The following DOCK9 variants were observed in gnomAD, a reference collection of about 807,000 sequenced individuals.
DOCK9 encodes dedicator of cytokinesis protein 9.
In DOCK9, 89 loss-of-function variants were observed where a neutral mutation model predicts 263.3. That is an observed-to-expected ratio of 0.34 (90% CI 0.28 to 0.40). DOCK9 has a LOEUF of 0.40. Ranked by LOEUF, DOCK9 falls within the 10% of genes least tolerant of loss-of-function variation. The probability of loss-of-function intolerance (pLI) is 1.00; values close to 1 mark genes in which losing one functional copy is unlikely to be tolerated. For synonymous variants in DOCK9, 976 were observed against 973.1 expected (o/e 1.00, Z -0.06); for missense variants, 2,140 against 2,603.4 (o/e 0.82, Z 3.87).
At chr13:98,919,031 A>G (rs1273578364) in intron 7 of DOCK9, among the ~76,000 whole-genome samples, 1 of 152,194 alleles carries the variant, frequency 6.6e-6, no homozygotes, top group East Asian at 1.9e-4. Context: ...ATCTAGCACC[A>G]CTACTATTTC....
chr13:99,050,407 T>G (rs542911279), intron 1 of DOCK9, among the ~76,000 whole-genome samples: 99 of 152,178 alleles, frequency 6.5e-4, no homozygotes, highest in African/African-American at 2.2e-3. Context: ...CCAATCAACA[T>G]GTCATGACCG....
At chr13:98,983,514 G>A (rs977403703) in intron 1 of DOCK9, among the ~76,000 whole-genome samples, 19 of 152,040 alleles carry the variant, frequency 1.2e-4, no homozygotes, top group African/African-American at 4.6e-4. Flanking sequence ...GTGGTGGGAG[G>A]GGGAGACAGT....
chr13:98,803,571 G>T (rs972678238), intron 49 of DOCK9, among the ~76,000 whole-genome samples: 1 of 152,128 alleles, frequency 6.6e-6, no homozygotes, highest in African/African-American at 2.4e-5. Flanking sequence ...GATGCTGCTG[G>T]TCCTGGACCA....
intron 1 of DOCK9, among the ~76,000 whole-genome samples, chr13:99,016,597 A>G (rs1885445617): frequency 6.6e-6 from 1 of 152,194 alleles, no homozygotes; most frequent in Non-Finnish European, 1.5e-5. Context: ...CTGTAGACTG[A>G]ACTCAGTGAC....
intron 1 of DOCK9, among the ~76,000 whole-genome samples, chr13:98,966,066 A>G (rs1403712739): frequency 1.3e-5 from 2 of 152,250 alleles, no homozygotes; most frequent in African/African-American, 4.8e-5. Context: ...CCAATTAAGG[A>G]AAACCTACAC....
At chr13:98,940,502 G>A (rs1006973160) in intron 2 of DOCK9, among the ~76,000 whole-genome samples, 1 of 152,084 alleles carries the variant, frequency 6.6e-6, no homozygotes, top group African/African-American at 2.4e-5. Flanking sequence ...AGGCTCCAGC[G>A]ATCATCCCAC....
In DOCK9 at chr13:98,848,574, G is replaced by T; in HGVS notation, c.4061+18C>A. 6.2e-7 allele frequency: 1 copy of T among 1,608,708 alleles called. No homozygotes were observed. Among genetic ancestry groups the T allele is most frequent in the South Asian group, 1.1e-5 (1 of 89,236 alleles). On this transcript the variant is annotated intron_variant, in intron 37 of 52. Transcript: ENST00000682017. Reference sequence around the variant, plus strand: ...TCACAGAAAACAACACGTTTCGAATGAAAACGCCCCACAGTACCTGGCTAT... The same window carrying T: ...TCACAGAAAACAACACGTTTCGAATTAAAACGCCCCACAGTACCTGGCTAT...
intron 2 of DOCK9, among the ~76,000 whole-genome samples, chr13:98,931,160 G>A (rs927964578): frequency 6.6e-6 from 1 of 151,992 alleles, no homozygotes; most frequent in African/African-American, 2.4e-5. Context: ...CCCCTCCAAC[G>A]GACATTAGAA....
intron 7 of DOCK9, among the ~76,000 whole-genome samples, chr13:98,917,752 G>A (rs2051137516): frequency 6.6e-6 from 1 of 150,446 alleles, no homozygotes; most frequent in South Asian, 2.1e-4. Context: ...ATTTTTCAAA[G>A]TGGTTTTTAA....
chr13:98,896,194 T>C (rs1235632960), intron 15 of DOCK9, among the ~76,000 whole-genome samples: 2 of 152,216 alleles, frequency 1.3e-5, no homozygotes, highest in Admixed American at 1.3e-4. Flanking sequence ...AAAAACTGTA[T>C]AATCACATAA....
chr13:98,867,020 G>A (rs1256055490), intron 30 of DOCK9: 2 of 410,462 alleles, frequency 4.9e-6, no homozygotes, highest in East Asian at 1.5e-4. Context: ...TTATTTTTTA[G>A]AGGAGGAAAA....
chr13:99,068,671 T>A (rs993726452), intron 1 of DOCK9, among the ~76,000 whole-genome samples: 73 of 147,062 alleles, frequency 5.0e-4, no homozygotes, highest in African/African-American at 1.8e-3. Context: ...TCCTTCAGTT[T>A]AAAAAAAAAA....
At chr13:98,952,193 C>T (rs1408525078) in intron 2 of DOCK9, among the ~76,000 whole-genome samples, 2 of 151,094 alleles carry the variant, frequency 1.3e-5, no homozygotes, top group Non-Finnish European at 3.0e-5. Flanking sequence ...CCACCGTGCC[C>T]AGCCTACTTC....
intron 45 of DOCK9, among the ~76,000 whole-genome samples, chr13:98,816,370 A>G (rs568576203): frequency 6.6e-5 from 10 of 152,240 alleles, no homozygotes; most frequent in East Asian, 1.9e-4. Context: ...GGAAGACCCA[A>G]TGAATTCAAA....
chr13:98,867,831 G>A (rs1229303867), intron 29 of DOCK9, 97 bp downstream of exon 29: 1 of 1,190,770 alleles, frequency 8.4e-7, no homozygotes, highest in Admixed American at 2.8e-5. Flanking sequence ...AAAAAAATTA[G>A]TAAGGCAGAG....
At position 98,829,877 on chromosome 13, in the gene DOCK9, G is replaced by A. The variant is rs771440801; in HGVS notation, c.4636-121C>T. ...CAAAGTGGGGGTTGGGGGGTGCTTT[G>A]AGCAGGGGTCGCTCCGTGTAGGAAA... On this transcript the variant is annotated intron_variant, in intron 41 of 52. Transcript: ENST00000682017. This position sits in a 1 kb window ranked among gnomAD's most constrained non-coding sequence, Gnocchi z 4.1. 10 of 756,950 alleles carry A rather than the reference G, an allele frequency of 1.3e-5. No homozygotes were observed. Among genetic ancestry groups the A allele is most frequent in the Non-Finnish European group, 2.3e-5 (10 of 441,442 alleles). The allele number at this position is 756,950 out of a possible 1,614,324, so 46.9% of individuals were successfully genotyped here.
chr13:98,815,864 C>T (rs1252589766), intron 45 of DOCK9, among the ~76,000 whole-genome samples: 1 of 152,192 alleles, frequency 6.6e-6, no homozygotes, highest in Admixed American at 6.5e-5. Flanking sequence ...TCTACAATGA[C>T]ACCCTGTCCT....
intron 2 of DOCK9, among the ~76,000 whole-genome samples, chr13:98,930,481 A>T (rs948628169): frequency 1.3e-5 from 2 of 152,168 alleles, no homozygotes; most frequent in African/African-American, 4.8e-5. Flanking sequence ...TTTCTTGATC[A>T]GGGGCCCACA....
At chr13:98,807,257 T>C (rs2090835507) in intron 48 of DOCK9, among the ~76,000 whole-genome samples, 1 of 152,200 alleles carries the variant, frequency 6.6e-6, no homozygotes, top group African/African-American at 2.4e-5. Flanking sequence ...TGTCCATGTG[T>C]CCATTCACCC....
Sources: allele counts gnomAD v4.1 joint callset (sites outside exome capture counted in the v4.1 genomes callset), GRCh38; gene constraint gnomAD v4.1.1; non-coding constraint Gnocchi (gnomAD v3.1); transcripts MANE v1.5; gene names NCBI Gene and HGNC (gene_info 2026-07-23, HGNC 2026-07-21).